RAB40C: variants seen among roughly 807,000 people sequenced by gnomAD.
The protein encoded by RAB40C is ras-related protein Rab-40C.
Under a neutral mutation model 28.1 loss-of-function variants are expected in RAB40C, and 8 were observed. The ratio of observed to expected loss-of-function variants is 0.28; its 90% CI spans 0.17 to 0.51. RAB40C has a LOEUF of 0.51. RAB40C is among the 20% of genes least tolerant of loss of function. The pLI is 0.97. For missense variants in RAB40C, 288 were observed against 405.9 expected (o/e 0.71, Z 2.50); for synonymous variants, 201 against 171.7 (o/e 1.17, Z -1.34).
Position 627,556 on chromosome 16 carries a change from C to T in RAB40C, c.780C>T (p.Ser260=). ...GCAAGGGCAACAGCCTCAAGAGGTC[C>T]AAGTCCATCCGTCCACCCCAGAGCC... ...GGSKGNSLKR[S]KSIRPPQSPP... is the part of the protein sequence containing the mutation. Residue 260 remains serine (S), a synonymous_variant, in exon 6 of 6, where the codon TCC becomes TCT. Transcript: ENST00000248139. The T allele has an allele frequency of 6.2e-7, 1 of 1,613,048 alleles. No individual in the cohort carries two copies. Among genetic ancestry groups the T allele is most frequent in the Non-Finnish European group, 8.5e-7 (1 of 1,179,556 alleles).
chr16:622,773 G>A (rs1002930173), intron 3 of RAB40C, among the ~76,000 whole-genome samples: 1 of 152,218 alleles, frequency 6.6e-6, no homozygotes, highest in Non-Finnish European at 1.5e-5. Flanking sequence ...CAAAGTGCTG[G>A]GATCGCAGGC....
At position 625,712 on chromosome 16, in the gene RAB40C, C is replaced by T. The variant is rs60750561; in HGVS notation, c.343-187C>T. ...TGGAGCCCAGCAAGACCAGGAGCTA[C>T]GGGGCCACCCGGAAGGGCTGCACTG... On this transcript the variant is annotated intron_variant, in intron 4 of 5. Coordinates refer to ENST00000248139, the MANE Select transcript of RAB40C (RefSeq NM_021168.5). 4.1e-3 allele frequency: 3,350 copies of T among 819,208 alleles called. 90 individuals are homozygous for T. The African/African-American group carries it at 0.05, about 12-fold the overall frequency. The allele number at this position is 819,208 out of a possible 1,614,324, so 50.7% of individuals were successfully genotyped here.
chr16:597,985 A>G (rs2151061346), intron 1 of RAB40C, among the ~76,000 whole-genome samples: 1 of 148,972 alleles, frequency 6.7e-6, no homozygotes, highest in East Asian at 2.0e-4. Flanking sequence ...AGTGGCTCAC[A>G]CCTGTAATTC....
chr16:621,624 C>T (rs936837528), intron 3 of RAB40C, among the ~76,000 whole-genome samples: 4 of 152,236 alleles, frequency 2.6e-5, no homozygotes, highest in African/African-American at 9.6e-5. Context: ...TCTGAGACGG[C>T]CCCTCTCAGA....
intron 1 of RAB40C, among the ~76,000 whole-genome samples, chr16:613,170 CAA>C (rs1473821447): frequency 7.0e-6 from 1 of 142,670 alleles, no homozygotes; most frequent in African/African-American, 2.7e-5. Context: ...CCTGTAGAAT[CAA>C]GAGCAGGGAC....
intron 3 of RAB40C, among the ~76,000 whole-genome samples, chr16:619,270 A>C (rs2036661040): frequency 6.0e-5 from 9 of 149,164 alleles, no homozygotes; most frequent in African/African-American, 1.5e-4. Context: ...GTGTGTGTGC[A>C]GGTGTGGTGT....
rs772787623 is a variant in RAB40C at position 627,540 on chromosome 16, A to G, written c.764A>G (p.Asn255Ser). 7 of 1,613,542 alleles carry G rather than the reference A, an allele frequency of 4.3e-6. No homozygotes were observed. Among genetic ancestry groups the G allele is most frequent in the African/African-American group, 1.3e-5 (1 of 75,056 alleles). Reference protein sequence around the residue: ...SGAGGGGSKGNSLKRSKSIRP... With the variant: ...SGAGGGGSKGSSLKRSKSIRP... ...GCCGGGGGCGGCGGCAGCAAGGGCA[A>G]CAGCCTCAAGAGGTCCAAGTCCATC... Residue 255 changes from asparagine (N) to serine (S), a missense_variant, in exon 6 of 6, where the codon AAC becomes AGC. Asn to Ser is a conservative substitution (Grantham distance 46). This residue lies in a region of RAB40C where 57 missense variants were observed against 55.3 expected (regional missense o/e 1.03). Coordinates refer to ENST00000248139, the MANE Select transcript of RAB40C (RefSeq NM_021168.5).
chr16:592,055 C>T (rs760163429), intron 1 of RAB40C, among the ~76,000 whole-genome samples: 6 of 152,184 alleles, frequency 3.9e-5, no homozygotes, highest in Admixed American at 6.5e-5. Context: ...TGGACCCAGC[C>T]GAATGGGATG....
intron 1 of RAB40C, among the ~76,000 whole-genome samples, chr16:613,503 G>C (rs2036525843): frequency 6.6e-6 from 1 of 152,246 alleles, no homozygotes; most frequent in African/African-American, 2.4e-5. Flanking sequence ...CTGCACGCCG[G>C]CTGGCACTTG....
intron 3 of RAB40C, among the ~76,000 whole-genome samples, chr16:622,540 GCT>G (rs1018218682): frequency 4.6e-5 from 7 of 152,202 alleles, no homozygotes; most frequent in African/African-American, 1.4e-4. Flanking sequence ...ACACGGTCTG[GCT>G]CTGTCGCCAG....
chr16:611,482 C>T (rs560556837), intron 1 of RAB40C, among the ~76,000 whole-genome samples: 5 of 152,370 alleles, frequency 3.3e-5, no homozygotes, highest in South Asian at 2.1e-4. Context: ...AAGGCCCCTC[C>T]GTCCCTGTGT....
At chr16:594,439 C>A (rs1449089417) in intron 1 of RAB40C, among the ~76,000 whole-genome samples, 1 of 152,180 alleles carries the variant, frequency 6.6e-6, no homozygotes, top group Non-Finnish European at 1.5e-5. Flanking sequence ...GGGCCACACG[C>A]TGCCTGCTGT....
Position 623,383 on chromosome 16 carries a change from C to G in RAB40C, c.265-2049C>G, listed in dbSNP as rs373362352. Among the ~76,000 whole-genome samples the G allele has an allele frequency of 6.3e-4, 96 of 152,302 alleles. 6 individuals carry two copies. The South Asian group carries it at 0.011, about 17-fold the overall frequency. On this transcript the variant is annotated intron_variant, in intron 3 of 5. Transcript: ENST00000248139. ...AATCATGCTGGGCCGGGCGCGGTGGCTCACGCCTGTCATCCCAGCACTTTG... is the reference window on the plus strand; with the variant it reads ...AATCATGCTGGGCCGGGCGCGGTGGGTCACGCCTGTCATCCCAGCACTTTG...
At chr16:618,654 G>T (rs968840032) in intron 3 of RAB40C, among the ~76,000 whole-genome samples, 1 of 151,308 alleles carries the variant, frequency 6.6e-6, no homozygotes, top group Non-Finnish European at 1.5e-5. Flanking sequence ...TGTGCAGTGT[G>T]TGCGCAGGTG....
At chr16:618,803 T>C (rs1412214908) in intron 3 of RAB40C, among the ~76,000 whole-genome samples, 1 of 133,460 alleles carries the variant, frequency 7.5e-6, no homozygotes, top group African/African-American at 2.9e-5. Flanking sequence ...CTTGGAGCTG[T>C]GTGTGTGCAC....
Position 627,778 on chromosome 16 carries a change from A to C in RAB40C, c.*156A>C. Reference sequence around the variant, plus strand: ...CACACCTGAGCCGGGTGCGAGGAGGAGCATGCACGGACCAAGCGCGGCAGG... The same window carrying C: ...CACACCTGAGCCGGGTGCGAGGAGGCGCATGCACGGACCAAGCGCGGCAGG... On this transcript the variant is annotated 3_prime_UTR_variant, in exon 6 of 6. Transcript: ENST00000248139. 1.0e-6 allele frequency: 1 copy of C among 956,642 alleles called. No homozygotes were observed. 59.3% of individuals were successfully genotyped at this position (956,642 alleles called of 1,614,324 possible).
chr16:597,465 T>C (rs1299835758), intron 1 of RAB40C, among the ~76,000 whole-genome samples: 3 of 151,646 alleles, frequency 2.0e-5, no homozygotes, highest in African/African-American at 7.3e-5. Flanking sequence ...GGGACAGCCA[T>C]CTAGCATCTT....
rs535057977 is a variant in RAB40C at position 623,158 on chromosome 16, G to A, written c.265-2274G>A. On this transcript the variant is annotated intron_variant, in intron 3 of 5. Transcript: ENST00000248139. ...CCCCCCGCGTCACAGCACACTTGGAGCCTGAGGCAGCCCATCAGCCGGGAG... is the reference window on the plus strand; with the variant it reads ...CCCCCCGCGTCACAGCACACTTGGAACCTGAGGCAGCCCATCAGCCGGGAG... Among the ~76,000 whole-genome samples, 12 of 152,364 alleles carry A rather than the reference G, an allele frequency of 7.9e-5. No individual in the cohort carries two copies. In the East Asian group the frequency reaches 1.5e-3, roughly 20 times the overall value.
In RAB40C at chr16:617,266, C is replaced by G. The variant is rs1178915945; in HGVS notation, c.201C>G (p.Leu67=). 1 of 1,614,062 alleles carries G rather than the reference C, an allele frequency of 6.2e-7. No individual in the cohort carries two copies. The highest frequency in any genetic ancestry group is 2.2e-5 in the East Asian group (1 of 44,894). The part of the protein sequence containing the change: ...LLDGRRVKLE[L]WDTSGQGRFC... Reference sequence around the variant, plus strand: ...ACGGCCGGCGCGTGAAGCTGGAGCTCTGGTGAGTTGGGGCTGCGGCACTTC... The same window carrying G: ...ACGGCCGGCGCGTGAAGCTGGAGCTGTGGTGAGTTGGGGCTGCGGCACTTC... Residue 67 remains leucine (L), a splice_region_variant and synonymous_variant, in exon 2 of 6, where the codon CTC becomes CTG. Coordinates refer to ENST00000248139, the MANE Select transcript of RAB40C (RefSeq NM_021168.5).
Sources: allele counts gnomAD v4.1 joint callset (sites outside exome capture counted in the v4.1 genomes callset), GRCh38; gene constraint gnomAD v4.1.1; regional missense constraint gnomAD v4.1.1; transcripts MANE v1.5; gene names NCBI Gene and HGNC (gene_info 2026-07-23, HGNC 2026-07-21).